TMEM204: variants seen among roughly 807,000 people sequenced by gnomAD.
TMEM204 encodes the protein claudin-like protein 24.
TMEM204 carries 15 observed loss-of-function variants against 19.4 expected under a neutral mutation model. The observed-to-expected ratio is 0.77, with a 90% confidence interval of 0.52 to 1.19. The LOEUF is 1.19. TMEM204 is among the 50% of genes most tolerant of loss of function. The pLI is 0.00. For missense variants in TMEM204, 287 were observed against 321.2 expected (o/e 0.89, Z 0.81); for synonymous variants, 161 against 146.0 (o/e 1.10, Z -0.74).
rs773899255 is a variant in TMEM204 at position 1,553,045 on chromosome 16, A to T, written c.437-1737A>T. Reference sequence around the variant, plus strand: ...ATTATAAAGAATGAACACAGAAACCAGTCACTGTCATTGTTCAGGACAAAA... The same window carrying T: ...ATTATAAAGAATGAACACAGAAACCTGTCACTGTCATTGTTCAGGACAAAA... On this transcript the variant is annotated intron_variant, in intron 2 of 2. Transcript: ENST00000566264. The surrounding 1 kb of genome is among the most constrained non-coding windows in gnomAD (Gnocchi z 4.4). The T allele has an allele frequency of 2.0e-6, 2 of 985,466 alleles. No individual in the cohort carries two copies. The highest frequency in any genetic ancestry group is 2.4e-6 in the Non-Finnish European group (2 of 829,926). 61.0% of individuals were successfully genotyped at this position (985,466 alleles called of 1,614,324 possible). A position where few individuals can be genotyped will look rare whatever the true frequency, so the allele number is the denominator to read the frequency against.
At chr16:1,543,342 G>A (rs2031833469) in intron 2 of TMEM204, among the ~76,000 whole-genome samples, 1 of 152,256 alleles carries the variant, frequency 6.6e-6, no homozygotes, top group Non-Finnish European at 1.5e-5. Flanking sequence ...CCAGAAGGAG[G>A]CTGACAGACT....
At chr16:1,540,465 C>T (rs2031526932) in intron 1 of TMEM204, among the ~76,000 whole-genome samples, 1 of 152,230 alleles carries the variant, frequency 6.6e-6, no homozygotes, top group Non-Finnish European at 1.5e-5. Flanking sequence ...GCTGGCTTCC[C>T]ACAGGCGTGC....
chr16:1,531,023 C>T (rs892261812), upstream of TMEM204: 1 of 152,342 alleles, frequency 6.6e-6, no homozygotes, highest in African/African-American at 2.4e-5. This position sits in a 1 kb window ranked among gnomAD's most constrained non-coding sequence, Gnocchi z 4.7. Context: ...GCGCTCTCTG[C>T]AAGCTCCTTC....
At chr16:1,548,519 T>G (rs2032361623) in intron 2 of TMEM204, among the ~76,000 whole-genome samples, 1 of 152,260 alleles carries the variant, frequency 6.6e-6, no homozygotes, top group Non-Finnish European at 1.5e-5. Context: ...GGGCAGAATT[T>G]CGTGTTTGCT....
chr16:1,549,286 A>T (rs576417092), intron 2 of TMEM204, among the ~76,000 whole-genome samples: 11 of 152,380 alleles, frequency 7.2e-5, no homozygotes, highest in African/African-American at 2.6e-4. Flanking sequence ...CTTTTTTCAC[A>T]CAAGGTACAG....
In TMEM204 at chr16:1,552,778, A is replaced by C. The variant is rs564715121; in HGVS notation, c.437-2004A>C. On this transcript the variant is annotated intron_variant, in intron 2 of 2. Transcript: ENST00000566264. ...ATTCTCTGCTTCAGTCTCCTGAGTA[A>C]CTGGGATTACAGGTGCCTGCCACCA... 5.3e-3 allele frequency: 854 copies of C among 161,918 alleles called. 7 individuals carry two copies. The highest frequency in any genetic ancestry group is 9.5e-3 in the Non-Finnish European group (733 of 77,270). The allele number at this position is 161,918 out of a possible 1,614,324, so 10.0% of individuals were successfully genotyped here.
chr16:1,546,468 G>A (rs186342030), intron 2 of TMEM204, among the ~76,000 whole-genome samples: 167 of 152,330 alleles, frequency 1.1e-3, no homozygotes, highest in South Asian at 6.0e-3. Flanking sequence ...CTGTGCAGTG[G>A]AGAGTGACCA....
At chr16:1,539,160 T>C (rs906963277) in intron 1 of TMEM204, among the ~76,000 whole-genome samples, 4 of 147,970 alleles carry the variant, frequency 2.7e-5, no homozygotes, top group Non-Finnish European at 1.5e-5. Context: ...CTCACCAAGC[T>C]GCACAGTGCC....
At chr16:1,546,998 G>A (rs985953433) in intron 2 of TMEM204, among the ~76,000 whole-genome samples, 8 of 152,226 alleles carry the variant, frequency 5.3e-5, no homozygotes, top group African/African-American at 9.6e-5. Context: ...CTCTGCATCC[G>A]TGTGGGGACC....
At chr16:1,547,963 A>T (rs1238673164) in intron 2 of TMEM204, among the ~76,000 whole-genome samples, 2 of 152,190 alleles carry the variant, frequency 1.3e-5, no homozygotes, top group Non-Finnish European at 2.9e-5. Context: ...GGTGTGGGCC[A>T]CTGCAATCAG....
chr16:1,544,138 C>T (rs2031920972), intron 2 of TMEM204, among the ~76,000 whole-genome samples: 1 of 151,586 alleles, frequency 6.6e-6, no homozygotes, highest in Non-Finnish European at 1.5e-5. Context: ...CTGCCTCAGC[C>T]TCCCGTGTAG....
intron 2 of TMEM204, among the ~76,000 whole-genome samples, chr16:1,547,478 C>T (rs1250623824): frequency 6.6e-6 from 1 of 152,192 alleles, no homozygotes; most frequent in African/African-American, 2.4e-5. Flanking sequence ...ACTTGGGAAT[C>T]GTCTCGTGGA....
chr16:1,537,108 C>T (rs564372434), intron 1 of TMEM204, among the ~76,000 whole-genome samples: 132 of 152,350 alleles, frequency 8.7e-4, no homozygotes, highest in Non-Finnish European at 1.4e-3. Context: ...GGGCTGCGAC[C>T]GTCTGTGCTG....
chr16:1,548,505 C>T (rs2032359538), intron 2 of TMEM204, among the ~76,000 whole-genome samples: 2 of 152,336 alleles, frequency 1.3e-5, no homozygotes, highest in South Asian at 4.1e-4. Flanking sequence ...GGAATTGATT[C>T]CATGGGCAGA....
At chr16:1,541,419 G>A in intron 1 of TMEM204, 9 of 985,386 alleles carry the variant, frequency 9.1e-6, no homozygotes, top group Non-Finnish European at 1.1e-5. Context: ...ACACCACCAT[G>A]AGCCGCTTGG....
In TMEM204 at chr16:1,554,925, A is replaced by T; in HGVS notation, c.580A>T (p.Arg194Trp). The T allele has an allele frequency of 6.2e-7, 1 of 1,614,198 alleles. No individual in the cohort carries two copies. The highest frequency in any genetic ancestry group is 8.5e-7 in the Non-Finnish European group (1 of 1,180,054). Residue 194 changes from arginine to tryptophan, a missense_variant, in exon 3 of 3, where the codon AGG becomes TGG. Transcript: ENST00000566264. ...GCTCATCTGGAACATTCTCCACAAGAGGGAGGACTGCATGGCCCCCCGGGT... is the reference window on the plus strand; with the variant it reads ...GCTCATCTGGAACATTCTCCACAAGTGGGAGGACTGCATGGCCCCCCGGGT... ...AMLIWNILHK[R>W]EDCMAPRVIV...
chr16:1,537,361 T>TG (rs913413196), intron 1 of TMEM204, among the ~76,000 whole-genome samples: 86 of 152,290 alleles, frequency 5.6e-4, no homozygotes, highest in African/African-American at 2.0e-3. Context: ...ATGGGGCACA[T>TG]GGAGTCAAAA....
chr16:1,553,032 G>GAACACAGA lies in TMEM204; in HGVS notation c.437-1746_437-1739dup, dbSNP rs1471284116. 1.0e-6 allele frequency: 1 copy of GAACACAGA among 985,282 alleles called. No homozygotes were observed. Among genetic ancestry groups the GAACACAGA allele is most frequent in the East Asian group, 1.1e-4 (1 of 8,834 alleles). The allele number at this position is 985,282 out of a possible 1,614,324, so 61.0% of individuals were successfully genotyped here. On this transcript the variant is annotated intron_variant, in intron 2 of 2. Coordinates refer to ENST00000566264, the MANE Select transcript of TMEM204 (RefSeq NM_024600.6). This position sits in a 1 kb window ranked among gnomAD's most constrained non-coding sequence, Gnocchi z 4.4. ...AGCTCCATGAAGTATTATAAAGAAT[G>GAACACAGA]AACACAGAAACCAGTCACTGTCATT... is the stretch of plus-strand genomic sequence containing the variant.
At chr16:1,532,070 T>C (rs1330623282), upstream of TMEM204, 1 of 152,288 alleles carries the variant, frequency 6.6e-6, no homozygotes, top group African/African-American at 2.4e-5. Context: ...TTAGGAACAC[T>C]GAGTGTTTGA....
Sources: gnomAD v4.1 joint callset for allele counts (sites outside exome capture counted in the v4.1 genomes callset) on GRCh38, gnomAD v4.1.1 for gene constraint, Gnocchi (gnomAD v3.1) non-coding constraint, MANE v1.5 for transcripts, NCBI Gene and HGNC (gene_info 2026-07-23, HGNC 2026-07-21) for gene names.